The following UGCG variants were observed in gnomAD, a reference collection of about 807,000 sequenced individuals.
UGCG encodes the protein UDP-glucose ceramide glucosyltransferase, also known as ceramide glucosyltransferase.
UGCG carries 10 observed loss-of-function variants against 49.5 expected under a neutral mutation model. The observed-to-expected ratio is 0.20, with a 90% confidence interval of 0.12 to 0.34. The LOEUF is 0.34. UGCG is among the 10% of genes least tolerant of loss of function. The pLI, the probability that UGCG is intolerant of heterozygous loss-of-function variation, is 1.00. For missense variants in UGCG, 312 were observed against 483.7 expected (o/e 0.65, Z 3.33); for synonymous variants, 182 against 158.2 (o/e 1.15, Z -1.13).
At chr9:111,906,279 T>A (rs1328838502) in intron 1 of UGCG, among the ~76,000 whole-genome samples, 2 of 152,218 alleles carry the variant, frequency 1.3e-5, no homozygotes, top group Non-Finnish European at 2.9e-5. Flanking sequence ...GCACCACTAG[T>A]TACCATAGCC....
At position 111,897,316 on chromosome 9, in the gene UGCG, G is replaced by T; in HGVS notation, c.98+3G>T. ...CATTTCATGGCTATCATCTACACGT[G>T]AGTGAGGGACCGCAGGAGGGGCTCG... On this transcript the variant is annotated splice_donor_region_variant and intron_variant, in intron 1 of 8. Coordinates refer to ENST00000374279, the MANE Select transcript of UGCG (RefSeq NM_003358.3). 6.4e-7 allele frequency: 1 copy of T among 1,553,192 alleles called. No homozygotes were observed.
chr9:111,929,143 G>A (rs1023363155), intron 5 of UGCG: 6 of 194,510 alleles, frequency 3.1e-5, no homozygotes, highest in Middle Eastern at 2.1e-3. Context: ...ACACATATAC[G>A]TAACATACAA....
intron 1 of UGCG, among the ~76,000 whole-genome samples, chr9:111,898,918 G>A (rs923575914): frequency 1.3e-5 from 2 of 152,152 alleles, no homozygotes; most frequent in East Asian, 1.9e-4. Context: ...TTGAAAAGCC[G>A]TTTTGTGCAA....
Position 111,912,029 on chromosome 9 carries a change from GATATATAT to G in UGCG, c.99-2559_99-2552del, listed in dbSNP as rs60468274. Among the ~76,000 whole-genome samples the G allele has an allele frequency of 1.1e-4, 7 of 64,596 alleles. No homozygotes were observed. The South Asian group carries it at 1.7e-3, about 15-fold the overall frequency. 42.4% of individuals were successfully genotyped at this position (64,596 alleles called of 152,430 possible). ...CAGGATACATATATATATTCAACAGGATATATATATATATATATATATATCCTGTTGAA... is the reference window on the plus strand; with the variant it reads ...CAGGATACATATATATATTCAACAGGATATATATATATATATCCTGTTGAA... On this transcript the variant is annotated intron_variant, in intron 1 of 8. Transcript: ENST00000374279.
chr9:111,904,810 C>T (rs1024678196), intron 1 of UGCG, among the ~76,000 whole-genome samples: 1 of 151,918 alleles, frequency 6.6e-6, no homozygotes, highest in East Asian at 1.9e-4. Flanking sequence ...TACAGTGAGC[C>T]AAGGTTGTGC....
chr9:111,904,736 C>G (rs926461694), intron 1 of UGCG, among the ~76,000 whole-genome samples: 1 of 152,134 alleles, frequency 6.6e-6, no homozygotes, highest in African/African-American at 2.4e-5. Flanking sequence ...GTGGTGCTCG[C>G]CTGTAATCCC....
intron 5 of UGCG, 123 bp downstream of exon 5, chr9:111,926,619 G>A (rs980793206): frequency 1.6e-5 from 10 of 629,146 alleles, no homozygotes; most frequent in Middle Eastern, 5.7e-4. Context: ...TTGGGAACCT[G>A]CTGTGTTCTA....
chr9:111,908,544 G>T (rs984570622), intron 1 of UGCG, among the ~76,000 whole-genome samples: 10 of 152,110 alleles, frequency 6.6e-5, no homozygotes, highest in African/African-American at 2.4e-4. Context: ...GTACTTACAG[G>T]TGACTTTATA....
Position 111,916,592 on chromosome 9 carries a change from C to A in UGCG, c.240+1846C>A, listed in dbSNP as rs547952225. 2.0e-5 allele frequency among the ~76,000 whole-genome samples: 3 copies of A among 152,216 alleles called. No homozygotes were observed. In the East Asian group the frequency reaches 5.8e-4, roughly 30 times the overall value. ...TCAACCAGTCCTCCCACCTCACCCT[C>A]CCTGGTAGCTGGGACTATGGGCATG... On this transcript the variant is annotated intron_variant, in intron 2 of 8. Transcript: ENST00000374279.
intron 3 of UGCG, among the ~76,000 whole-genome samples, 167 bp downstream of exon 3, chr9:111,923,118 T>G (rs1396747907): frequency 6.8e-6 from 1 of 147,072 alleles, no homozygotes; most frequent in Non-Finnish European, 1.5e-5. Flanking sequence ...AAAACAAAGG[T>G]TTTTTTTTTT....
In UGCG at chr9:111,933,005, T is replaced by A; in HGVS notation, c.*8T>A. On this transcript the variant is annotated 3_prime_UTR_variant, in exon 9 of 9. Coordinates refer to ENST00000374279, the MANE Select transcript of UGCG (RefSeq NM_003358.3). ...GAAATCCTAGATGTATAACTACAGC[T>A]TTGTGACTGTATATAAAGGAAAAAA... 1 of 1,542,218 alleles carries A rather than the reference T, an allele frequency of 6.5e-7. No homozygotes were observed. Among genetic ancestry groups the A allele is most frequent in the Non-Finnish European group, 8.7e-7 (1 of 1,144,298 alleles).
intron 6 of UGCG, among the ~76,000 whole-genome samples, chr9:111,930,629 A>G (rs1034678694): frequency 5.3e-5 from 8 of 151,810 alleles, no homozygotes; most frequent in African/African-American, 1.9e-4. Context: ...CGCCACACTC[A>G]GCTACTTTTT....
At chr9:111,932,763 T>G (rs776679845) in intron 8 of UGCG, 64 bp from the exon 9 acceptor site, 30 of 1,420,806 alleles carry the variant, frequency 2.1e-5, no homozygotes, top group Non-Finnish European at 2.8e-5. Flanking sequence ...AAGAATTTAA[T>G]TTTTTAACCT....
Position 111,935,016 on chromosome 9 carries a change from T to C in UGCG, c.*2019T>C, listed in dbSNP as rs1838495548. ...TCTTGTGTATTACTTAGCTCTCTGCTGATCTCAGTATGGACAGTGTAACAA... is the reference window on the plus strand; with the variant it reads ...TCTTGTGTATTACTTAGCTCTCTGCCGATCTCAGTATGGACAGTGTAACAA... On this transcript the variant is annotated 3_prime_UTR_variant, in exon 9 of 9. Coordinates refer to ENST00000374279, the MANE Select transcript of UGCG (RefSeq NM_003358.3). 6.6e-6 allele frequency: 1 copy of C among 152,250 alleles called. No individual in the cohort carries two copies. The highest frequency in any genetic ancestry group is 6.5e-5 in the Admixed American group (1 of 15,278). 9.4% of individuals were successfully genotyped at this position (152,250 alleles called of 1,614,324 possible). A position where few individuals can be genotyped will look rare whatever the true frequency, so the allele number is the denominator to read the frequency against.
chr9:111,913,092 A>C (rs918612716), intron 1 of UGCG, among the ~76,000 whole-genome samples: 6 of 152,234 alleles, frequency 3.9e-5, no homozygotes, highest in African/African-American at 1.4e-4. Context: ...GCATTGATGC[A>C]AGTATTTTTT....
At chr9:111,927,553 G>A (rs368871817) in intron 5 of UGCG, among the ~76,000 whole-genome samples, 11 of 151,932 alleles carry the variant, frequency 7.2e-5, no homozygotes, top group Non-Finnish European at 1.3e-4. Flanking sequence ...CCGGGTTCAC[G>A]CCATTCTCCT....
At chr9:111,897,951 G>A (rs1837696260) in intron 1 of UGCG, among the ~76,000 whole-genome samples, 1 of 147,854 alleles carries the variant, frequency 6.8e-6, no homozygotes, top group Admixed American at 6.9e-5. Context: ...TCCCCGTGCC[G>A]GCCACATCTT....
At chr9:111,907,194 T>G (rs1453248532) in intron 1 of UGCG, among the ~76,000 whole-genome samples, 1 of 152,208 alleles carries the variant, frequency 6.6e-6, no homozygotes, top group East Asian at 1.9e-4. Flanking sequence ...CTTCCATCTC[T>G]CTTCTCTCAA....
chr9:111,915,570 C>T (rs956183823), intron 2 of UGCG, among the ~76,000 whole-genome samples: 5 of 152,166 alleles, frequency 3.3e-5, no homozygotes, highest in Admixed American at 6.5e-5. Context: ...TTTCCCTTTG[C>T]GGTCTCTATT....
Sources: gnomAD v4.1 joint callset for allele counts (sites outside exome capture counted in the v4.1 genomes callset) on GRCh38, gnomAD v4.1.1 for gene constraint, MANE v1.5 for transcripts, NCBI Gene and HGNC (gene_info 2026-07-23, HGNC 2026-07-21) for gene names.